PRCP: variants seen among roughly 807,000 people sequenced by gnomAD.
PRCP encodes lysosomal Pro-X carboxypeptidase.
PRCP carries 46 observed loss-of-function variants against 54.2 expected under a neutral mutation model. The ratio of observed to expected loss-of-function variants is 0.85; its 90% CI spans 0.67 to 1.09. PRCP has a LOEUF of 1.09. PRCP is among the 50% of genes least tolerant of loss of function. PRCP has a pLI of 0.00. For synonymous variants in PRCP, 240 were observed against 212.2 expected, an observed-to-expected ratio of 1.13 and a Z score of -1.14; for missense variants, 613 against 596.8, an observed-to-expected ratio of 1.03 and a Z score of -0.28.
upstream of PRCP, among the ~76,000 whole-genome samples, chr11:82,901,097 AG>A (rs980807413): frequency 1.3e-5 from 2 of 152,144 alleles, no homozygotes; most frequent in African/African-American, 4.8e-5. Context: ...CGCTGGGTCC[AG>A]GTCCAAAGAC....
chr11:82,858,140 T>C (rs755536659), intron 2 of PRCP: 2 of 152,132 alleles, frequency 1.3e-5, no homozygotes, highest in Non-Finnish European at 2.9e-5. Flanking sequence ...TCAAAAGAGG[T>C]CAATGTAATA....
In PRCP at chr11:82,855,483, G is replaced by C. The variant is rs564229471; in HGVS notation, c.310-2205C>G. On this transcript the variant is annotated intron_variant, in intron 2 of 8. Transcript: ENST00000313010. ...AATGCAAAAAACTTAGCCGGGCGTG[G>C]TGGCGGGCACCTGTAGTCCCAGCTA... Among the ~76,000 whole-genome samples the C allele has an allele frequency of 2.0e-5, 3 of 152,110 alleles. No individual in the cohort carries two copies. In the South Asian group the frequency reaches 6.3e-4, roughly 32 times the overall value.
At chr11:82,853,538 G>A (rs1859010806) in intron 2 of PRCP, among the ~76,000 whole-genome samples, 1 of 152,128 alleles carries the variant, frequency 6.6e-6, no homozygotes, top group Non-Finnish European at 1.5e-5. Flanking sequence ...TTTTTATCCT[G>A]ACACTCTAGC....
Position 82,900,355 on chromosome 11 carries a change from G to T in PRCP, c.48C>A (p.Pro16=). ...CCGGCCGGAGGGCTATGGTGGCCCA[G>T]GGCGCCAGAAAAGACAGAAGCAGGA... ...LLLLLLSFLA[P]WATIALRPAL... is the part of the protein sequence containing the mutation. Residue 16 remains proline, a synonymous_variant, in exon 1 of 9, where the codon CCC becomes CCA. Transcript: ENST00000313010. 1 of 1,614,084 alleles carries T rather than the reference G, an allele frequency of 6.2e-7. No homozygotes were observed. Among genetic ancestry groups the T allele is most frequent in the Non-Finnish European group, 8.5e-7 (1 of 1,179,962 alleles).
At chr11:82,874,742 T>C (rs1481400471) in intron 1 of PRCP, among the ~76,000 whole-genome samples, 1 of 151,330 alleles carries the variant, frequency 6.6e-6, no homozygotes, top group Non-Finnish European at 1.5e-5. Flanking sequence ...ACAGGTTTTA[T>C]TCTGATAGAG....
chr11:82,844,417 T>C (rs994684262), intron 6 of PRCP, among the ~76,000 whole-genome samples: 2 of 147,630 alleles, frequency 1.4e-5, no homozygotes, highest in African/African-American at 5.0e-5. Flanking sequence ...AATGAGACCT[T>C]CTCTCTTAAA....
intron 6 of PRCP, among the ~76,000 whole-genome samples, chr11:82,845,329 A>C (rs749451028): frequency 6.6e-6 from 1 of 152,204 alleles, no homozygotes; most frequent in African/African-American, 2.4e-5. Context: ...ACACATTTAA[A>C]TAAGAGAAGG....
In PRCP at chr11:82,893,706, T is replaced by C. The variant is rs535081013; in HGVS notation, c.168+6529A>G. On this transcript the variant is annotated intron_variant, in intron 1 of 8. Transcript: ENST00000313010. ...TACCCGGGATGCTGAGGTGGGAGGA[T>C]CACTTGAGCCCATAGGTTCAAGGCT... 3.3e-3 allele frequency among the ~76,000 whole-genome samples: 509 copies of C among 152,220 alleles called. 5 individuals carry two copies. The highest frequency in any genetic ancestry group is 0.011 in the African/African-American group (452 of 41,524).
chr11:82,863,170 C>T (rs1168508490), intron 1 of PRCP, among the ~76,000 whole-genome samples: 1 of 152,214 alleles, frequency 6.6e-6, no homozygotes, highest in African/African-American at 2.4e-5. Context: ...GTAAACTGTG[C>T]TTTAACAAGC....
In PRCP at chr11:82,838,395, A is replaced by G; in HGVS notation, c.1266T>C (p.Ile422=). 1 of 1,604,048 alleles carries G rather than the reference A, an allele frequency of 6.2e-7. No individual in the cohort carries two copies. The highest frequency in any genetic ancestry group is 8.5e-7 in the Non-Finnish European group (1 of 1,175,902). ...GGKNISSHTN[I]VFSNGELDPW... is the part of the protein sequence containing the mutation. ...GGACAGCAAAAACTCACCTGAAAAC[A>G]ATGTTTGTGTGTGAACTAATGTTTT... Residue 422 remains isoleucine, a synonymous_variant, in exon 8 of 9, where the codon ATT becomes ATC. Coordinates refer to ENST00000313010, the MANE Select transcript of PRCP (RefSeq NM_005040.4).
At chr11:82,864,153 C>G (rs7104980) in intron 1 of PRCP, among the ~76,000 whole-genome samples, 78,163 of 152,110 alleles carry the variant, frequency 0.51, 20,491 homozygotes, top group African/African-American at 0.6. Flanking sequence ...AGATGGGAGA[C>G]AGATTAAGTT....
At chr11:82,846,489 T>G (rs979172788) in intron 6 of PRCP, among the ~76,000 whole-genome samples, 3 of 151,868 alleles carry the variant, frequency 2.0e-5, no homozygotes, top group African/African-American at 7.3e-5. Flanking sequence ...GGAAACAGAA[T>G]CATAAATACC....
chr11:82,884,502 A>G (rs1859822974), intron 1 of PRCP, among the ~76,000 whole-genome samples: 1 of 152,184 alleles, frequency 6.6e-6, no homozygotes, highest in Admixed American at 6.5e-5. Context: ...GGCTGCAGTG[A>G]GCCATGATCA....
In PRCP at chr11:82,873,082, A is replaced by ATTTT. The variant is rs1318667365; in HGVS notation, c.169-12966_169-12965insAAAA. 2.2e-3 allele frequency among the ~76,000 whole-genome samples: 256 copies of ATTTT among 117,506 alleles called. 1 individual carries two copies. The highest frequency in any genetic ancestry group is 0.015 in the Middle Eastern group (3 of 206). The allele number at this position is 117,506 out of a possible 152,430, so 77.1% of individuals were successfully genotyped here. A position where few individuals can be genotyped will look rare whatever the true frequency, so the allele number is the denominator to read the frequency against. ...TTCTGATCTGTTTTTTTTTTTTTAA[A>ATTTT]AAAAAAGAAAGTAAGAAGAATAAGT... On this transcript the variant is annotated intron_variant, in intron 1 of 8. Coordinates refer to ENST00000313010, the MANE Select transcript of PRCP (RefSeq NM_005040.4).
chr11:82,828,483 C>T (rs1412285646), intron 8 of PRCP: 2 of 152,134 alleles, frequency 1.3e-5, no homozygotes, highest in African/African-American at 4.8e-5. Context: ...ATCACTTTCC[C>T]CTTGAATGGT....
Position 82,859,197 on chromosome 11 carries a change from A to T in PRCP, c.309+780T>A, listed in dbSNP as rs138815456. On this transcript the variant is annotated intron_variant, in intron 2 of 8. Coordinates refer to ENST00000313010, the MANE Select transcript of PRCP (RefSeq NM_005040.4). ...TCCTTTCACATATCTTTCCAAATTA[A>T]GTTTTGTTAATGGATTTCGGCATTA... 8.6e-3 allele frequency among the ~76,000 whole-genome samples: 1,310 copies of T among 152,284 alleles called. 15 individuals carry two copies. The highest frequency in any genetic ancestry group is 0.03 in the African/African-American group (1,229 of 41,550).
At chr11:82,887,834 C>T (rs1318321736) in intron 1 of PRCP, among the ~76,000 whole-genome samples, 2 of 152,166 alleles carry the variant, frequency 1.3e-5, no homozygotes, top group Non-Finnish European at 2.9e-5. Context: ...CAAAAGGGGT[C>T]TGACACTACA....
chr11:82,882,641 G>A (rs890272634), intron 1 of PRCP, among the ~76,000 whole-genome samples: 18 of 148,632 alleles, frequency 1.2e-4, no homozygotes, highest in South Asian at 2.1e-4. Context: ...GACTACAGGC[G>A]CCCGCCACTA....
chr11:82,858,525 C>T (rs1163233600), intron 2 of PRCP: 1 of 152,234 alleles, frequency 6.6e-6, no homozygotes, highest in African/African-American at 2.4e-5. Flanking sequence ...AATATCTCTT[C>T]CTTTCCACCA....
Sources: allele counts gnomAD v4.1 joint callset (sites outside exome capture counted in the v4.1 genomes callset), GRCh38; gene constraint gnomAD v4.1.1; transcripts MANE v1.5; gene names NCBI Gene and HGNC (gene_info 2026-07-23, HGNC 2026-07-21).